The following KLF12 variants were observed in gnomAD, a reference collection of about 807,000 sequenced individuals.
KLF12 encodes KLF transcription factor 12, also known as Krueppel-like factor 12.
In KLF12, 9 loss-of-function variants were observed where a neutral mutation model predicts 37.8. The ratio of observed to expected loss-of-function variants is 0.24; its 90% CI spans 0.14 to 0.42. The LOEUF (loss-of-function observed/expected upper bound fraction) is 0.42, where lower values mean the gene tolerates loss of function less well. KLF12 is among the 10% of genes least tolerant of loss of function. KLF12 has a pLI of 1.00. For missense variants in KLF12, 411 were observed against 516.0 expected (o/e 0.80, Z 1.97); for synonymous variants, 208 against 202.1 (o/e 1.03, Z -0.25).
At chr13:74,095,773 T>A (rs1875947447) in intron 1 of KLF12, among the ~76,000 whole-genome samples, 1 of 152,212 alleles carries the variant, frequency 6.6e-6, no homozygotes, top group African/African-American at 2.4e-5. Flanking sequence ...ATTAAAACAA[T>A]TTAAACCCTT....
At chr13:73,878,548 C>T (rs1247558544) in intron 3 of KLF12, among the ~76,000 whole-genome samples, 1 of 152,196 alleles carries the variant, frequency 6.6e-6, no homozygotes, top group East Asian at 1.9e-4. Context: ...CAGCATGCCT[C>T]TGCCTTGGCT....
At chr13:74,301,973 T>G in the KLF12 span, among the ~76,000 whole-genome samples, 1 of 152,156 alleles carries the variant, frequency 6.6e-6, no homozygotes, top group Non-Finnish European at 1.5e-5. Flanking sequence ...CAATAAAAAC[T>G]TACTTCTGAT....
At chr13:74,024,342 A>G (rs1892917717) in intron 1 of KLF12, among the ~76,000 whole-genome samples, 1 of 152,262 alleles carries the variant, frequency 6.6e-6, no homozygotes, top group South Asian at 2.1e-4. Context: ...ATGGCTTACC[A>G]GCTTAGTTGC....
intron 6 of KLF12, among the ~76,000 whole-genome samples, chr13:73,764,719 AG>A (rs1442284947): frequency 2.6e-5 from 4 of 152,126 alleles, no homozygotes; most frequent in Admixed American, 1.3e-4. Context: ...CAAAAAAAAA[AG>A]TTACACTCAG....
intron 5 of KLF12, among the ~76,000 whole-genome samples, chr13:73,788,014 A>G (rs188047632): frequency 4.6e-5 from 7 of 152,294 alleles, no homozygotes; most frequent in Admixed American, 4.6e-4. Context: ...TAATAAAAAC[A>G]CACTTTATTT....
the KLF12 span, among the ~76,000 whole-genome samples, chr13:74,184,126 T>G: frequency 6.6e-6 from 1 of 152,148 alleles, no homozygotes; most frequent in African/African-American, 2.4e-5. Flanking sequence ...ACAGTTCACA[T>G]GATCCCTGAG....
intron 3 of KLF12, among the ~76,000 whole-genome samples, chr13:73,884,855 T>C (rs1566437576): frequency 6.6e-6 from 1 of 152,222 alleles, no homozygotes; most frequent in African/African-American, 2.4e-5. Context: ...TTCACTTCTT[T>C]GTTTTCATCT....
At chr13:74,269,048 C>G in the KLF12 span, among the ~76,000 whole-genome samples, 1 of 152,066 alleles carries the variant, frequency 6.6e-6, no homozygotes, top group African/African-American at 2.4e-5. Context: ...CCAAGTATAG[C>G]AATAAATTAA....
chr13:73,772,401 C>T (rs1470322796), intron 5 of KLF12, among the ~76,000 whole-genome samples: 1 of 152,194 alleles, frequency 6.6e-6, no homozygotes, highest in African/African-American at 2.4e-5. Context: ...ATGTGATAAA[C>T]AGCTGCAGTG....
chr13:73,732,972 T>C (rs938944307), intron 6 of KLF12, among the ~76,000 whole-genome samples: 3 of 152,150 alleles, frequency 2.0e-5, no homozygotes, highest in African/African-American at 7.2e-5. Context: ...TTCTCTTCTA[T>C]AGCTTATACA....
chr13:73,815,552 T>A (rs1450026613), intron 4 of KLF12, among the ~76,000 whole-genome samples: 1 of 152,152 alleles, frequency 6.6e-6, no homozygotes, highest in Non-Finnish European at 1.5e-5. Context: ...TTAACAGCCA[T>A]TCACAACTAT....
intron 1 of KLF12, among the ~76,000 whole-genome samples, chr13:74,120,894 A>T (rs901600200): frequency 2.0e-5 from 3 of 152,184 alleles, no homozygotes; most frequent in African/African-American, 7.2e-5. Context: ...TAATAAGCCA[A>T]TAAAGAAGAT....
At chr13:73,794,489 G>A (rs904347465) in intron 5 of KLF12, among the ~76,000 whole-genome samples, 9 of 152,026 alleles carry the variant, frequency 5.9e-5, no homozygotes, top group Non-Finnish European at 1.0e-4. Context: ...ATAAGGTTAC[G>A]AATACATAAT....
chr13:73,695,465 C>T lies in KLF12; in HGVS notation c.*25G>A, dbSNP rs200192991. 25 of 1,608,150 alleles carry T rather than the reference C, an allele frequency of 1.6e-5. No individual in the cohort carries two copies. The highest frequency in any genetic ancestry group is 8.8e-5 in the South Asian group (8 of 90,792). On this transcript the variant is annotated 3_prime_UTR_variant, in exon 8 of 8. Coordinates refer to ENST00000377669, the MANE Select transcript of KLF12 (RefSeq NM_007249.5). ...GTGCCGCTAAGAGATCCAGCTCTTA[C>T]GCTCAGCTGGACAGGTAGCATTCCT...
intron 4 of KLF12, among the ~76,000 whole-genome samples, chr13:73,837,215 A>G (rs1287071214): frequency 6.6e-6 from 1 of 152,196 alleles, no homozygotes; most frequent in African/African-American, 2.4e-5. Context: ...TGGGCATTTT[A>G]CAGTCTATGA....
At chr13:73,869,977 T>C (rs1886386960) in intron 3 of KLF12, among the ~76,000 whole-genome samples, 1 of 152,216 alleles carries the variant, frequency 6.6e-6, no homozygotes, top group African/African-American at 2.4e-5. Flanking sequence ...AGCTTGTTTA[T>C]ACGATGTACG....
At chr13:73,944,978 TTTGA>T (rs1338024741) in intron 2 of KLF12, among the ~76,000 whole-genome samples, 2 of 152,148 alleles carry the variant, frequency 1.3e-5, no homozygotes, top group Non-Finnish European at 2.9e-5. Context: ...CAGAACTAAA[TTTGA>T]TTGAGATTTT....
At chr13:73,922,935 C>A (rs1889188469) in intron 3 of KLF12, among the ~76,000 whole-genome samples, 1 of 152,150 alleles carries the variant, frequency 6.6e-6, no homozygotes, top group Non-Finnish European at 1.5e-5. Context: ...CAGCCAGGCA[C>A]AGCAGCCCTG....
At chr13:74,143,004 T>TTCCTTCCTTCCCTCCCTCCC in the KLF12 span, among the ~76,000 whole-genome samples, 2 of 151,518 alleles carry the variant, frequency 1.3e-5, no homozygotes, top group Admixed American at 1.3e-4. Context: ...CCTTCTTTCC[T>TTCCTTCCTTCCCTCCCTCCC]TCCTTCCTTC....
Sources: gnomAD v4.1 joint callset for allele counts (sites outside exome capture counted in the v4.1 genomes callset) on GRCh38, gnomAD v4.1.1 for gene constraint, MANE v1.5 for transcripts, NCBI Gene and HGNC (gene_info 2026-07-23, HGNC 2026-07-21) for gene names.